SDK1: variants seen among roughly 807,000 people sequenced by gnomAD.
SDK1 encodes protein sidekick-1.
A neutral mutation model predicts 245.5 loss-of-function variants in SDK1; 157 were observed. That is an observed-to-expected ratio of 0.64 (90% CI 0.56 to 0.73). The LOEUF (loss-of-function observed/expected upper bound fraction) is 0.73, where lower values mean the gene tolerates loss of function less well. SDK1 is among the 30% of genes least tolerant of loss of function. The pLI is 0.00. For missense variants in SDK1, 3,583 were observed against 3,002.3 expected, an observed-to-expected ratio of 1.19 and a Z score of -4.52; for synonymous variants, 1,647 against 1,278.5, an observed-to-expected ratio of 1.29 and a Z score of -6.15.
At chr7:3,591,262 A>G (rs368813100) in intron 1 of SDK1, among the ~76,000 whole-genome samples, 3 of 152,272 alleles carry the variant, frequency 2.0e-5, no homozygotes, top group East Asian at 1.9e-4. Flanking sequence ...TTGCAGTGTC[A>G]TAATACTGAG....
chr7:3,961,034 C>G (rs962946572), intron 8 of SDK1, among the ~76,000 whole-genome samples: 4 of 152,206 alleles, frequency 2.6e-5, no homozygotes, highest in Non-Finnish European at 5.9e-5. Context: ...CTTAAACTCC[C>G]TTTGACAAGA....
At chr7:3,327,921 G>T (rs1488978982) in intron 1 of SDK1, among the ~76,000 whole-genome samples, 2 of 152,130 alleles carry the variant, frequency 1.3e-5, no homozygotes, top group Non-Finnish European at 2.9e-5. Flanking sequence ...TCTGTCGTAT[G>T]TTGAATTATA....
At chr7:3,940,625 C>G (rs1031495011) in intron 5 of SDK1, among the ~76,000 whole-genome samples, 2 of 151,724 alleles carry the variant, frequency 1.3e-5, no homozygotes, top group Non-Finnish European at 2.9e-5. Flanking sequence ...CTTTGGGAGA[C>G]CAGCCTGGGC....
chr7:3,497,337 A>G (rs951009934), intron 1 of SDK1, among the ~76,000 whole-genome samples: 17 of 152,306 alleles, frequency 1.1e-4, no homozygotes, highest in African/African-American at 3.8e-4. Context: ...TAAATGTAGT[A>G]TTTGTGGGAA....
At chr7:3,346,806 T>C (rs1445372741) in intron 1 of SDK1, among the ~76,000 whole-genome samples, 1 of 64,420 alleles carries the variant, frequency 1.6e-5, no homozygotes, top group South Asian at 5.4e-4. Flanking sequence ...TGTGTGTGTG[T>C]GTATATATAT....
chr7:3,407,119 C>T (rs1229692231), intron 1 of SDK1, among the ~76,000 whole-genome samples: 2 of 152,194 alleles, frequency 1.3e-5, no homozygotes, highest in Admixed American at 6.5e-5. Flanking sequence ...GAGACAAGGG[C>T]TACTGCTCTG....
At chr7:4,101,980 C>T (rs1782581667) in intron 22 of SDK1, among the ~76,000 whole-genome samples, 1 of 152,118 alleles carries the variant, frequency 6.6e-6, no homozygotes, top group Non-Finnish European at 1.5e-5. Flanking sequence ...ACTCCACAGC[C>T]CTTCTGCCTC....
At chr7:3,968,907 C>G (rs1782274819) in intron 10 of SDK1, among the ~76,000 whole-genome samples, 1 of 152,200 alleles carries the variant, frequency 6.6e-6, no homozygotes, top group Non-Finnish European at 1.5e-5. Context: ...CACAGTTCTG[C>G]ATAGCTGGGG....
chr7:3,536,244 T>G (rs1402323412), intron 1 of SDK1, among the ~76,000 whole-genome samples: 9 of 151,296 alleles, frequency 5.9e-5, no homozygotes, highest in Non-Finnish European at 8.9e-5. Context: ...GTGTGTGTGT[T>G]TTTACTAGAG....
intron 4 of SDK1, among the ~76,000 whole-genome samples, chr7:3,787,146 T>TCACA (rs34838736): frequency 0.097 from 13,323 of 137,616 alleles, 698 homozygotes; most frequent in African/African-American, 0.12. Context: ...AGTATTGAAA[T>TCACA]CACACACACA....
At position 3,349,715 on chromosome 7, in the gene SDK1, T is replaced by A. The variant is rs111630221; in HGVS notation, c.298+47831T>A. ...CCCGGGTTCACGCCCTTCTCCTGCC[T>A]CAGCCTCCCGAGTGGCTGGGCCTAC... On this transcript the variant is annotated intron_variant, in intron 1 of 44. Coordinates refer to ENST00000404826, the MANE Select transcript of SDK1 (RefSeq NM_152744.4). Among the ~76,000 whole-genome samples, 654 of 152,312 alleles carry A rather than the reference T, an allele frequency of 4.3e-3. 6 individuals are homozygous for A. Among genetic ancestry groups the A allele is most frequent in the African/African-American group, 0.015 (615 of 41,560 alleles).
At chr7:3,693,705 G>C (rs1398395033) in intron 4 of SDK1, among the ~76,000 whole-genome samples, 1 of 152,102 alleles carries the variant, frequency 6.6e-6, no homozygotes, top group African/African-American at 2.4e-5. Flanking sequence ...GTGCAAGATA[G>C]TGACAGGAGG....
chr7:4,039,325 G>A (rs930235151), intron 17 of SDK1, among the ~76,000 whole-genome samples: 1 of 151,920 alleles, frequency 6.6e-6, no homozygotes, highest in Admixed American at 6.6e-5. Flanking sequence ...TTCTTATTAT[G>A]ATGGGAAAAT....
Position 3,889,256 on chromosome 7 carries a change from G to T in SDK1, c.848-61667G>T, listed in dbSNP as rs147871963. Among the ~76,000 whole-genome samples the T allele has an allele frequency of 9.8e-5, 15 of 152,318 alleles. No homozygotes were observed. In the East Asian group the frequency reaches 2.9e-3, roughly 29 times the overall value. On this transcript the variant is annotated intron_variant, in intron 5 of 44. Transcript: ENST00000404826. ...TCTTTATACTCAGATAGACTCCTGTGTCCAAAGGCACTCACATTGGTGAAG... is the reference window on the plus strand; with the variant it reads ...TCTTTATACTCAGATAGACTCCTGTTTCCAAAGGCACTCACATTGGTGAAG...
chr7:3,428,503 T>C (rs1404460944), intron 1 of SDK1, among the ~76,000 whole-genome samples: 1 of 152,070 alleles, frequency 6.6e-6, no homozygotes, highest in Non-Finnish European at 1.5e-5. Context: ...ATATTTATGT[T>C]ATAAGGAGGC....
chr7:3,770,812 G>C (rs1025560317), intron 4 of SDK1, among the ~76,000 whole-genome samples: 14 of 152,186 alleles, frequency 9.2e-5, no homozygotes, highest in African/African-American at 3.4e-4. Flanking sequence ...GGTAAGGGAT[G>C]AGCCTGCCTG....
At position 3,606,125 on chromosome 7, in the gene SDK1, T is replaced by C. The variant is rs75114768; in HGVS notation, c.299-12955T>C. Among the ~76,000 whole-genome samples, 3 of 152,318 alleles carry C rather than the reference T, an allele frequency of 2.0e-5. No individual in the cohort carries two copies. The East Asian group carries it at 5.8e-4, about 29-fold the overall frequency. On this transcript the variant is annotated intron_variant, in intron 1 of 44. Transcript: ENST00000404826. ...CAACACTGAGCTCTTGTTCTTTTCC[T>C]CTGAGCCAGCTCCTTCCATCATGAG...
chr7:3,356,413 T>C (rs1380259946), intron 1 of SDK1, among the ~76,000 whole-genome samples: 3 of 152,164 alleles, frequency 2.0e-5, no homozygotes, highest in Non-Finnish European at 4.4e-5. Flanking sequence ...TCTTTAAAGA[T>C]TGAGGCAGGT....
rs568846729 is a variant in SDK1, at chr7:4,255,508, G to T, written c.6382-9616G>T. On this transcript the variant is annotated intron_variant, in intron 44 of 44. Transcript: ENST00000404826. Reference sequence around the variant, plus strand: ...TGGGACTTCTTCCTACAAACAAGCTGGGGTGGGAGCACTCGGGGCCCAGTA... The same window carrying T: ...TGGGACTTCTTCCTACAAACAAGCTTGGGTGGGAGCACTCGGGGCCCAGTA... Among the ~76,000 whole-genome samples, 6 of 152,280 alleles carry T rather than the reference G, an allele frequency of 3.9e-5. No individual in the cohort carries two copies. The South Asian group carries it at 1.0e-3, about 26-fold the overall frequency.
Sources: allele counts gnomAD v4.1 joint callset (sites outside exome capture counted in the v4.1 genomes callset), GRCh38; gene constraint gnomAD v4.1.1; transcripts MANE v1.5; gene names NCBI Gene and HGNC (gene_info 2026-07-23, HGNC 2026-07-21).